The following LHFPL2 variants were observed in gnomAD, a reference collection of about 807,000 sequenced individuals.
LHFPL2 encodes LHFPL tetraspan subfamily member 2.
Under a neutral mutation model 17.5 loss-of-function variants are expected in LHFPL2, and 7 were observed. The ratio of observed to expected loss-of-function variants is 0.40; its 90% CI spans 0.23 to 0.75. The LOEUF (loss-of-function observed/expected upper bound fraction) is 0.75. Among genes scored for constraint, LHFPL2 ranks in the 30% least tolerant of loss-of-function variants. The probability of loss-of-function intolerance (pLI) is 0.37; values close to 1 mark genes in which losing one functional copy is unlikely to be tolerated. For missense variants in LHFPL2, 241 were observed against 294.8 expected (o/e 0.82, Z 1.34); for synonymous variants, 134 against 116.2 (o/e 1.15, Z -0.99).
intron 3 of LHFPL2, among the ~76,000 whole-genome samples, chr5:78,521,909 G>A (rs149168507): frequency 1.3e-5 from 2 of 152,250 alleles, no homozygotes; most frequent in East Asian, 3.9e-4. Context: ...GCTATGCGGA[G>A]GAGAGCAATA....
chr5:78,590,710 A>G lies in LHFPL2; in HGVS notation c.-244-25839T>C, dbSNP rs958952123. On this transcript the variant is annotated intron_variant, in intron 2 of 4. Transcript: ENST00000380345. ...ACCCAGAATACATTTATATTTCACT[A>G]AACAGTCATACGAAACCTAGAAATA... 2.6e-5 allele frequency among the ~76,000 whole-genome samples: 4 copies of G among 152,244 alleles called. No individual in the cohort carries two copies. The South Asian group carries it at 6.2e-4, about 24-fold the overall frequency.
intron 2 of LHFPL2, among the ~76,000 whole-genome samples, chr5:78,623,203 T>C (rs889622786): frequency 6.6e-6 from 1 of 152,214 alleles, no homozygotes; most frequent in African/African-American, 2.4e-5. Flanking sequence ...AATGCATGTA[T>C]ACTATTTGAC....
rs565186469 is a variant in LHFPL2, at chr5:78,616,177, A to G, written c.-245+16087T>C. 1.3e-4 allele frequency among the ~76,000 whole-genome samples: 20 copies of G among 151,948 alleles called. No individual in the cohort carries two copies. In the South Asian group the frequency reaches 2.7e-3, roughly 21 times the overall value. Reference sequence around the variant, plus strand: ...AAGTCTCACTCTGTCACCCAGGCTGAAGTGCAGTGGCGCAATCTCGGCTCA... The same window carrying G: ...AAGTCTCACTCTGTCACCCAGGCTGGAGTGCAGTGGCGCAATCTCGGCTCA... On this transcript the variant is annotated intron_variant, in intron 2 of 4. Transcript: ENST00000380345.
intron 3 of LHFPL2, among the ~76,000 whole-genome samples, chr5:78,546,329 T>C (rs1166436935): frequency 2.0e-5 from 3 of 152,252 alleles, no homozygotes; most frequent in Admixed American, 6.5e-5. Flanking sequence ...GTAGCCGTTC[T>C]GAGGCACTCC....
At chr5:78,569,700 G>A (rs568825557) in intron 2 of LHFPL2, among the ~76,000 whole-genome samples, 2 of 152,276 alleles carry the variant, frequency 1.3e-5, no homozygotes, top group African/African-American at 4.8e-5. Context: ...TGTGTTAAAC[G>A]CATGTGAGAC....
At chr5:78,581,822 A>C (rs967975125) in intron 2 of LHFPL2, among the ~76,000 whole-genome samples, 2 of 151,996 alleles carry the variant, frequency 1.3e-5, no homozygotes, top group Non-Finnish European at 2.9e-5. Flanking sequence ...GTTAGGGAGG[A>C]TTCCCTGTTT....
chr5:78,564,295 T>C (rs957476728), intron 3 of LHFPL2, among the ~76,000 whole-genome samples: 1 of 152,226 alleles, frequency 6.6e-6, no homozygotes, highest in Non-Finnish European at 1.5e-5. Context: ...ACTAATATTT[T>C]CAAAAAGTGA....
intron 3 of LHFPL2, among the ~76,000 whole-genome samples, chr5:78,537,377 G>A (rs2112369180): frequency 6.6e-6 from 1 of 152,266 alleles, no homozygotes; most frequent in Non-Finnish European, 1.5e-5. Flanking sequence ...CCCAAAAATG[G>A]TTATTCGTGG....
At chr5:78,583,374 G>A (rs907595794) in intron 2 of LHFPL2, among the ~76,000 whole-genome samples, 8 of 151,800 alleles carry the variant, frequency 5.3e-5, no homozygotes, top group Non-Finnish European at 1.5e-5. Flanking sequence ...TTTCTTCCTA[G>A]TCTCGATGGT....
intron 3 of LHFPL2, among the ~76,000 whole-genome samples, chr5:78,548,558 G>GT (rs1029108473): frequency 2.6e-5 from 4 of 152,220 alleles, no homozygotes; most frequent in Admixed American, 6.5e-5. Flanking sequence ...CAGAAGGGCC[G>GT]TATCTACAGC....
intron 3 of LHFPL2, among the ~76,000 whole-genome samples, chr5:78,514,357 T>TAA (rs56725399): frequency 0.014 from 2,029 of 147,138 alleles, 51 homozygotes; most frequent in African/African-American, 0.044. Flanking sequence ...CCTCTTCACT[T>TAA]AAAAAAAAAA....
chr5:78,511,066 T>G, intron 3 of LHFPL2, among the ~76,000 whole-genome samples: 1 of 151,984 alleles, frequency 6.6e-6, no homozygotes, highest in African/African-American at 2.4e-5. Flanking sequence ...CAGGGTGATT[T>G]TTAGACAAAA....
At position 78,487,270 on chromosome 5, in the gene LHFPL2, A is replaced by T. The variant is rs1754279741; in HGVS notation, c.*1627T>A. On this transcript the variant is annotated 3_prime_UTR_variant, in exon 5 of 5. Transcript: ENST00000380345. The stretch of plus-strand genomic sequence containing the variant: ...CGGTTGTCCCATTCCATCTCTGTAT[A>T]ATTATCTGTTCTGCACCAAGATACG... 6.6e-6 allele frequency: 1 copy of T among 152,178 alleles called. No homozygotes were observed. The allele number at this position is 152,178 out of a possible 1,614,324, so 9.4% of individuals were successfully genotyped here.
At chr5:78,606,714 G>A (rs767733099) in intron 2 of LHFPL2, among the ~76,000 whole-genome samples, 21 of 152,228 alleles carry the variant, frequency 1.4e-4, no homozygotes, top group African/African-American at 4.3e-4. Flanking sequence ...TTGCTCTGTC[G>A]CCCAGGCTGG....
Position 78,648,018 on chromosome 5 carries a change from C to T in LHFPL2, c.-350+481G>A, listed in dbSNP as rs1255902276. On this transcript the variant is annotated intron_variant, in intron 1 of 4. Transcript: ENST00000380345. This position sits in a 1 kb window ranked among gnomAD's most constrained non-coding sequence, Gnocchi z 5.4. ...AATGCAGTCCAGATTTGAGAAGCAG[C>T]TGACGTCTGTGGCCAGAGTGACCCA... 6.6e-6 allele frequency among the ~76,000 whole-genome samples: 1 copy of T among 152,124 alleles called. No individual in the cohort carries two copies. Among genetic ancestry groups the T allele is most frequent in the Non-Finnish European group, 1.5e-5 (1 of 68,016 alleles).
At position 78,489,085 on chromosome 5, in the gene LHFPL2, A is replaced by AGT; in HGVS notation, c.497_498dup (p.Cys167ThrfsTer59). ...TTGTAGGCAGATGCATAATGTCCAC[A>AGT]GTAGTCTATGGCCTTCTGGCAACCC... On this transcript the variant is annotated frameshift_variant, in exon 5 of 5. Transcript: ENST00000380345. LOFTEE classifies it high-confidence loss of function. 6.2e-7 allele frequency: 1 copy of AGT among 1,614,244 alleles called. No homozygotes were observed. The highest frequency in any genetic ancestry group is 8.5e-7 in the Non-Finnish European group (1 of 1,180,044).
chr5:78,510,730 TA>T lies in LHFPL2; in HGVS notation c.-185-333del, dbSNP rs538560303. On this transcript the variant is annotated intron_variant, in intron 3 of 4. Coordinates refer to ENST00000380345, the MANE Select transcript of LHFPL2 (RefSeq NM_005779.3). ...ACAGGGCTCCCGCTCCCTCATCTTT[TA>T]CTGGAAAAAGTCAAACAGCACAGGG... is the stretch of plus-strand genomic sequence containing the variant. Among the ~76,000 whole-genome samples, 332 of 152,352 alleles carry T rather than the reference TA, an allele frequency of 2.2e-3. 2 individuals are homozygous for T. The highest frequency in any genetic ancestry group is 0.01 in the Middle Eastern group (3 of 294).
chr5:78,509,980 C>A lies in LHFPL2; in HGVS notation c.234G>T (p.Arg78=), dbSNP rs768344879. Residue 78 remains arginine, a synonymous_variant, in exon 4 of 5, where the codon CGG becomes CGT. Coordinates refer to ENST00000380345, the MANE Select transcript of LHFPL2 (RefSeq NM_005779.3). ...IRNPGVQHFQ[R]DTLCGPYAES... Reference sequence around the variant, plus strand: ...CGGCGTAGGGCCCGCACAGCGTGTCCCGCTGGAAGTGCTGCACCCCTGGGT... The same window carrying A: ...CGGCGTAGGGCCCGCACAGCGTGTCACGCTGGAAGTGCTGCACCCCTGGGT... 2 of 1,613,636 alleles carry A rather than the reference C, an allele frequency of 1.2e-6. No homozygotes were observed. Among genetic ancestry groups the A allele is most frequent in the Admixed American group, 1.7e-5 (1 of 59,986 alleles).
chr5:78,515,269 C>T (rs1024099323), intron 3 of LHFPL2, among the ~76,000 whole-genome samples: 1 of 152,090 alleles, frequency 6.6e-6, no homozygotes, highest in Non-Finnish European at 1.5e-5. Flanking sequence ...ACCTATTCCA[C>T]CCCATCCCAA....
Sources: gnomAD v4.1 joint callset for allele counts (sites outside exome capture counted in the v4.1 genomes callset) on GRCh38, gnomAD v4.1.1 for gene constraint, Gnocchi (gnomAD v3.1) non-coding constraint, MANE v1.5 for transcripts, NCBI Gene and HGNC (gene_info 2026-07-23, HGNC 2026-07-21) for gene names.